The following PARD3B variants were observed in gnomAD, a reference collection of about 807,000 sequenced individuals.
PARD3B encodes partitioning defective 3 homolog B.
A neutral mutation model predicts 130.2 loss-of-function variants in PARD3B; 103 were observed. That is an observed-to-expected ratio of 0.79 (90% CI 0.67 to 0.93). The LOEUF (loss-of-function observed/expected upper bound fraction) is 0.93, where lower values mean the gene tolerates loss of function less well. Among genes scored for constraint, PARD3B ranks in the 40% least tolerant of loss-of-function variants. The probability of loss-of-function intolerance (pLI) is 0.00; values close to 1 mark genes in which losing one functional copy is unlikely to be tolerated. For synonymous variants in PARD3B, 583 were observed against 553.2 expected (o/e 1.05, Z -0.76); for missense variants, 1,609 against 1,499.2 (o/e 1.07, Z -1.21).
At chr2:205,529,224 G>T (rs2106424256) in intron 21 of PARD3B, among the ~76,000 whole-genome samples, 1 of 152,304 alleles carries the variant, frequency 6.6e-6, no homozygotes, top group East Asian at 1.9e-4. Flanking sequence ...ACAGCATTGT[G>T]TGAGAAAATG....
chr2:205,050,140 A>C (rs1266317618), intron 4 of PARD3B, among the ~76,000 whole-genome samples: 1 of 150,512 alleles, frequency 6.6e-6, no homozygotes, highest in African/African-American at 2.4e-5. Context: ...GAGTCCTAAA[A>C]GTTCTTAGAA....
intron 4 of PARD3B, among the ~76,000 whole-genome samples, chr2:205,054,426 A>ATATATT (rs1699472611): frequency 4.2e-5 from 1 of 23,816 alleles, no homozygotes; most frequent in African/African-American, 1.4e-4. Context: ...ATATATATAT[A>ATATATT]TATATATATA....
intron 2 of PARD3B, among the ~76,000 whole-genome samples, chr2:204,698,494 G>A (rs2037723683): frequency 6.6e-6 from 1 of 151,820 alleles, no homozygotes; most frequent in African/African-American, 2.4e-5. Flanking sequence ...TTTCCATTTG[G>A]TGCGAATTAT....
intron 10 of PARD3B, among the ~76,000 whole-genome samples, chr2:205,150,649 G>C (rs1301345219): frequency 6.6e-6 from 1 of 152,152 alleles, no homozygotes; most frequent in Non-Finnish European, 1.5e-5. Flanking sequence ...GCATAAGAAA[G>C]ATATAAAACA....
Position 204,883,453 on chromosome 2 carries a change from A to ATTTTTT in PARD3B, c.223-81698_223-81697insTTTTTT, listed in dbSNP as rs1255418062. ...ATATAAAATATATATATATATATAT[A>ATTTTTT]TATTTTTTTTTTTGAGACAGAGTCT... On this transcript the variant is annotated intron_variant, in intron 2 of 22. Transcript: ENST00000406610. 5.6e-3 allele frequency among the ~76,000 whole-genome samples: 552 copies of ATTTTTT among 97,876 alleles called. 5 individuals are homozygous for ATTTTTT. Among genetic ancestry groups the ATTTTTT allele is most frequent in the East Asian group, 0.012 (38 of 3,232 alleles). 64.2% of individuals were successfully genotyped at this position (97,876 alleles called of 152,430 possible). A position where few individuals can be genotyped will look rare whatever the true frequency, so the allele number is the denominator to read the frequency against.
intron 2 of PARD3B, among the ~76,000 whole-genome samples, chr2:204,917,749 A>T (rs1270657987): frequency 6.6e-6 from 1 of 152,194 alleles, no homozygotes; most frequent in Non-Finnish European, 1.5e-5. Flanking sequence ...TATTCAGAGC[A>T]TTTCATTTGT....
intron 16 of PARD3B, among the ~76,000 whole-genome samples, chr2:205,251,357 G>T (rs1212797202): frequency 6.6e-6 from 1 of 152,180 alleles, no homozygotes; most frequent in African/African-American, 2.4e-5. Context: ...AAAGGCACAC[G>T]TGCAGGTGTT....
intron 22 of PARD3B, among the ~76,000 whole-genome samples, chr2:205,578,304 A>G (rs1575408650): frequency 6.6e-6 from 1 of 152,320 alleles, no homozygotes; most frequent in Non-Finnish European, 1.5e-5. Context: ...CATTAATATC[A>G]TGTCATCCAA....
intron 19 of PARD3B, among the ~76,000 whole-genome samples, chr2:205,432,091 A>G (rs181874165): frequency 8.7e-4 from 132 of 152,236 alleles, no homozygotes; most frequent in Non-Finnish European, 1.4e-3. Flanking sequence ...AAACTTTTCT[A>G]TTTTGAGGCA....
At chr2:204,833,977 G>A (rs975484744) in intron 2 of PARD3B, among the ~76,000 whole-genome samples, 7 of 152,032 alleles carry the variant, frequency 4.6e-5, no homozygotes, top group Non-Finnish European at 5.9e-5. Context: ...GCCTGTCTTC[G>A]TTTCTTCCAG....
At chr2:205,307,592 A>T (rs754580029) in intron 18 of PARD3B, among the ~76,000 whole-genome samples, 1 of 152,166 alleles carries the variant, frequency 6.6e-6, no homozygotes, top group African/African-American at 2.4e-5. Context: ...TTAAAAGACA[A>T]GCCCATTGCT....
At chr2:204,763,116 T>C (rs936900666) in intron 2 of PARD3B, among the ~76,000 whole-genome samples, 3 of 152,192 alleles carry the variant, frequency 2.0e-5, no homozygotes, top group African/African-American at 7.2e-5. Flanking sequence ...CTGCCTCATA[T>C]TGTATAACCC....
intron 3 of PARD3B, among the ~76,000 whole-genome samples, chr2:204,966,885 C>A (rs1189356600): frequency 6.6e-6 from 1 of 152,122 alleles, no homozygotes; most frequent in East Asian, 1.9e-4. Flanking sequence ...TTTATTTAAG[C>A]CTCGTCATAC....
At chr2:205,217,894 A>ATTTTTT (rs755570882) in intron 15 of PARD3B, among the ~76,000 whole-genome samples, 5 of 31,070 alleles carry the variant, frequency 1.6e-4, no homozygotes, top group Middle Eastern at 0.036. Flanking sequence ...ATATATATAT[A>ATTTTTT]TTTTTTTTTT....
chr2:204,994,792 A>C (rs905522280), intron 3 of PARD3B, among the ~76,000 whole-genome samples: 2 of 147,088 alleles, frequency 1.4e-5, no homozygotes, highest in African/African-American at 5.0e-5. Flanking sequence ...TATTTAGGAT[A>C]GTTAGCTCCT....
rs2053209591 is a variant in PARD3B at position 205,563,464 on chromosome 2, C to T, written c.3260+10061C>T. 1.3e-5 allele frequency among the ~76,000 whole-genome samples: 2 copies of T among 152,130 alleles called. No individual in the cohort carries two copies. The highest frequency in any genetic ancestry group is 2.9e-5 in the Non-Finnish European group (2 of 68,030). On this transcript the variant is annotated intron_variant, in intron 22 of 22. Coordinates refer to ENST00000406610, the MANE Select transcript of PARD3B (RefSeq NM_001302769.2). This position sits in a 1 kb window ranked among gnomAD's most constrained non-coding sequence, Gnocchi z 4.2. ...GGTTTCCAAGGCCTTTTTAATTTCA[C>T]TTGACCCCACATGACTAACATTGGC...
At chr2:205,035,743 T>C (rs1465125501) in intron 3 of PARD3B, among the ~76,000 whole-genome samples, 1 of 144,966 alleles carries the variant, frequency 6.9e-6, no homozygotes, top group Admixed American at 7.1e-5. Context: ...ATATATATTC[T>C]ACTATGTATA....
Position 205,121,631 on chromosome 2 carries a change from G to C in PARD3B, c.847G>C (p.Val283Leu), listed in dbSNP as rs376477710. Residue 283 changes from valine (V) to leucine (L), a missense_variant, in exon 8 of 23, where the codon GTG becomes CTG. Coordinates refer to ENST00000406610, the MANE Select transcript of PARD3B (RefSeq NM_001302769.2). This position sits in a 1 kb window ranked among gnomAD's most constrained non-coding sequence, Gnocchi z 5.0. ...VFRQAMKSPSVLLHVLPPQNR... is the reference protein window; with the variant it reads ...VFRQAMKSPSLLLHVLPPQNR... ...CCGCCAGGCAATGAAATCTCCAAGT[G>C]TGCTCCTCCACGTGCTTCCTCCACA... 7.4e-6 allele frequency: 12 copies of C among 1,613,908 alleles called. No homozygotes were observed. The African/African-American group carries it at 1.5e-4, about 20-fold the overall frequency.
At chr2:205,007,769 T>G (rs888884584) in intron 3 of PARD3B, among the ~76,000 whole-genome samples, 6 of 152,220 alleles carry the variant, frequency 3.9e-5, no homozygotes, top group African/African-American at 1.4e-4. Context: ...ATCTGTAGAT[T>G]GCTTTGGGCA....
Sources: gnomAD v4.1 joint callset for allele counts (sites outside exome capture counted in the v4.1 genomes callset) on GRCh38, gnomAD v4.1.1 for gene constraint, Gnocchi (gnomAD v3.1) non-coding constraint, MANE v1.5 for transcripts, NCBI Gene and HGNC (gene_info 2026-07-23, HGNC 2026-07-21) for gene names.